LATS1: variants seen among roughly 807,000 people sequenced by gnomAD.
LATS1 encodes the protein serine/threonine-protein kinase LATS1.
LATS1 carries 25 observed loss-of-function variants against 106.6 expected under a neutral mutation model. The observed-to-expected ratio is 0.23, with a 90% CI of 0.17 to 0.33. LATS1 has a LOEUF of 0.33. LATS1 is among the 10% of genes least tolerant of loss of function. The pLI, the probability that LATS1 is intolerant of heterozygous loss-of-function variation, is 1.00. For missense variants in LATS1, 1,040 were observed against 1,382.6 expected, an observed-to-expected ratio of 0.75 and a Z score of 3.93; for synonymous variants, 465 against 455.6, an observed-to-expected ratio of 1.02 and a Z score of -0.26.
chr6:149,687,334 G>A (rs964175159), intron 3 of LATS1, among the ~76,000 whole-genome samples: 13 of 151,718 alleles, frequency 8.6e-5, no homozygotes, highest in Admixed American at 3.3e-4. Context: ...CAGGTGATCC[G>A]CCCACCTCAG....
chr6:149,692,437 T>C (rs1170869951), intron 3 of LATS1, among the ~76,000 whole-genome samples: 1 of 152,136 alleles, frequency 6.6e-6, no homozygotes. Context: ...AAAATCCCAC[T>C]ATTATATGAG....
At chr6:149,676,521 TCTA>T (rs745963495) in intron 6 of LATS1, 31 bp downstream of exon 6, 4 of 1,596,318 alleles carry the variant, frequency 2.5e-6, no homozygotes, top group East Asian at 2.2e-5. Context: ...GGTCTAAAGG[TCTA>T]CTGAGAATAT....
chr6:149,688,669 GACATTGGTAAACAACAGA>G (rs1782543707), intron 3 of LATS1, among the ~76,000 whole-genome samples: 2 of 152,092 alleles, frequency 1.3e-5, no homozygotes, highest in African/African-American at 4.8e-5. Context: ...GCAATCCAAT[GACATTGGTAAACAACAGA>G]ACATCCGTGG....
chr6:149,688,018 G>T (rs892652993), intron 3 of LATS1, among the ~76,000 whole-genome samples: 1 of 151,916 alleles, frequency 6.6e-6, no homozygotes, highest in Non-Finnish European at 1.5e-5. Context: ...AGGACTACAG[G>T]CGCCCACCAC....
At chr6:149,688,475 A>AG (rs1782532811) in intron 3 of LATS1, among the ~76,000 whole-genome samples, 1 of 151,372 alleles carries the variant, frequency 6.6e-6, no homozygotes, top group South Asian at 2.1e-4. Flanking sequence ...CGCCTGGCTA[A>AG]TTTTTTGTAT....
At chr6:149,684,962 G>A (rs549749786) in intron 3 of LATS1, among the ~76,000 whole-genome samples, 13 of 152,216 alleles carry the variant, frequency 8.5e-5, no homozygotes, top group East Asian at 1.9e-4. Context: ...TTGACCAGGC[G>A]TGGTGGCTCA....
rs1039855255 is a variant in LATS1, at chr6:149,693,757, C to T, written c.496+1317G>A. ...AATAATAATACCGAGGCTTTACAAA[C>T]ATAGGCATTCTCATAGTAAACGGAT... On this transcript the variant is annotated intron_variant, in intron 3 of 7. Coordinates refer to ENST00000543571, the MANE Select transcript of LATS1 (RefSeq NM_004690.4). Among the ~76,000 whole-genome samples, 4 of 152,026 alleles carry T rather than the reference C, an allele frequency of 2.6e-5. No homozygotes were observed. In the South Asian group the frequency reaches 8.3e-4, roughly 32 times the overall value.
chr6:149,706,088 C>T (rs1318995555), intron 1 of LATS1, among the ~76,000 whole-genome samples: 1 of 138,878 alleles, frequency 7.2e-6, no homozygotes, highest in African/African-American at 2.7e-5. Flanking sequence ...GAGGCTAAGG[C>T]AGGAGAATCG....
chr6:149,679,728 T>A (rs1023965006), intron 5 of LATS1, 147 bp downstream of exon 5: 2 of 586,912 alleles, frequency 3.4e-6, no homozygotes, highest in Non-Finnish European at 6.0e-6. Context: ...AAGTGCCTAA[T>A]GGAGTCACCC....
At chr6:149,670,189 A>AAAAAAAAAAAG (rs1781372096) in intron 7 of LATS1, among the ~76,000 whole-genome samples, 1 of 102,462 alleles carries the variant, frequency 9.8e-6, no homozygotes, top group Non-Finnish European at 1.7e-5. Flanking sequence ...AAAAAAAAAA[A>AAAAAAAAAAAG]AAAAGAAAAG....
chr6:149,712,785 G>A (rs1027968751), intron 1 of LATS1, among the ~76,000 whole-genome samples: 1 of 152,240 alleles, frequency 6.6e-6, no homozygotes, highest in African/African-American at 2.4e-5. Flanking sequence ...CTTGAGCCCA[G>A]GTGTTTGAGA....
chr6:149,662,187 G>A lies in LATS1; in HGVS notation c.2935C>T (p.Pro979Ser). ...LHIPPQAKLS[P>S]EASDLIIKLC... ...TTAATAATAAGATCAGAAGCTTCAG[G>A]ACTGAGTTTAGCTTGTGGTGGAATG... The change falls in exon 8 of 8, where the codon CCT becomes TCT. Residue 979 changes from proline to serine, a missense_variant. This residue lies in a region of LATS1 where 113 missense variants were observed against 146.3 expected (regional missense o/e 0.77). Coordinates refer to ENST00000543571, the MANE Select transcript of LATS1 (RefSeq NM_004690.4). 6.2e-7 allele frequency: 1 copy of A among 1,613,328 alleles called. No individual in the cohort carries two copies. The highest frequency in any genetic ancestry group is 8.5e-7 in the Non-Finnish European group (1 of 1,179,900).
At chr6:149,713,669 G>A (rs1272597640) in intron 1 of LATS1, among the ~76,000 whole-genome samples, 1 of 150,078 alleles carries the variant, frequency 6.7e-6, no homozygotes, top group Non-Finnish European at 1.5e-5. Flanking sequence ...TTTTGTTTTT[G>A]TTTTTTTGAG....
chr6:149,702,717 A>C (rs1263536435), intron 1 of LATS1, among the ~76,000 whole-genome samples: 2 of 152,022 alleles, frequency 1.3e-5, no homozygotes, highest in Non-Finnish European at 2.9e-5. Context: ...TGTCACCCAG[A>C]CTGGAGTGCA....
intron 5 of LATS1, among the ~76,000 whole-genome samples, chr6:149,679,018 T>C (rs1194864929): frequency 6.6e-6 from 1 of 151,910 alleles, no homozygotes; most frequent in Non-Finnish European, 1.5e-5. Flanking sequence ...AGAATATATA[T>C]AGATTATATT....
intron 3 of LATS1, among the ~76,000 whole-genome samples, chr6:149,686,763 A>G (rs1238278476): frequency 2.0e-5 from 3 of 152,018 alleles, no homozygotes; most frequent in Non-Finnish European, 4.4e-5. Flanking sequence ...GCTCCTGCCT[A>G]TTTGCTCTAT....
rs535624089 is a variant in LATS1, at chr6:149,717,936, G to A, written c.-228C>T. 120 of 362,554 alleles carry A rather than the reference G, an allele frequency of 3.3e-4. No individual in the cohort carries two copies. Among genetic ancestry groups the A allele is most frequent in the African/African-American group, 2.5e-3 (109 of 43,534 alleles). The allele number at this position is 362,554 out of a possible 1,614,324, so 22.5% of individuals were successfully genotyped here. A position where few individuals can be genotyped will look rare whatever the true frequency, so the allele number is the denominator to read the frequency against. On this transcript the variant is annotated 5_prime_UTR_variant, in exon 1 of 8. Transcript: ENST00000543571. ...CCAGAGTCCGTCCCAGCAACCCCAA[G>A]TATCCCTGGTGGGGCAGAGCGGGGA...
chr6:149,661,621 A>G lies in LATS1; in HGVS notation c.*108T>C. Reference sequence around the variant, plus strand: ...GAAAATAAAATATTGTACACAGAGCACACATATATAGCTCTGTCATATTTG... The same window carrying G: ...GAAAATAAAATATTGTACACAGAGCGCACATATATAGCTCTGTCATATTTG... On this transcript the variant is annotated 3_prime_UTR_variant, in exon 8 of 8. Transcript: ENST00000543571. 1 of 809,170 alleles carries G rather than the reference A, an allele frequency of 1.2e-6. No homozygotes were observed. The highest frequency in any genetic ancestry group is 2.7e-5 in the Admixed American group (1 of 37,440). The allele number at this position is 809,170 out of a possible 1,614,324, so 50.1% of individuals were successfully genotyped here.
chr6:149,676,652 T>C lies in LATS1; in HGVS notation c.2679A>G (p.Pro893=), dbSNP rs1279933918. The C allele has an allele frequency of 6.2e-7, 1 of 1,614,048 alleles. No homozygotes were observed. Among genetic ancestry groups the C allele is most frequent in the African/African-American group, 1.3e-5 (1 of 74,944 alleles). The part of the protein sequence containing the change: ...SSCRCGDRLK[P]LERRAARQHQ... ...GCTGGCGTGCAGCTCTCCGCTCTAA[T>C]GGCTTCAGTCTGTCTCCACATCGAC... The change falls in exon 6 of 8, where the codon CCA becomes CCG. Residue 893 remains proline (P), a synonymous_variant. Transcript: ENST00000543571.
Sources: allele counts gnomAD v4.1 joint callset (sites outside exome capture counted in the v4.1 genomes callset), GRCh38; gene constraint gnomAD v4.1.1; regional missense constraint gnomAD v4.1.1; transcripts MANE v1.5; gene names NCBI Gene and HGNC (gene_info 2026-07-23, HGNC 2026-07-21).